Variants in NR5A2 observed in about 807,000 individuals in gnomAD.
NR5A2 encodes the protein nuclear receptor subfamily 5 group A member 2.
A neutral mutation model predicts 62.7 loss-of-function variants in NR5A2; 26 were observed. The ratio of observed to expected loss-of-function variants is 0.41; its 90% CI spans 0.30 to 0.58. The LOEUF is 0.58. NR5A2 is among the 20% of genes least tolerant of loss of function. The pLI is 0.22. For missense variants in NR5A2, 541 were observed against 669.1 expected (o/e 0.81, Z 2.11); for synonymous variants, 246 against 241.7 (o/e 1.02, Z -0.16).
At chr1:200,073,775 T>C (rs1663868057) in intron 5 of NR5A2, among the ~76,000 whole-genome samples, 2 of 152,224 alleles carry the variant, frequency 1.3e-5, no homozygotes, top group Middle Eastern at 3.4e-3. Context: ...CAAACATATA[T>C]GGAGCGCCTC....
chr1:200,033,747 C>A (rs1204142281), intron 1 of NR5A2, among the ~76,000 whole-genome samples: 1 of 152,196 alleles, frequency 6.6e-6, no homozygotes, highest in Non-Finnish European at 1.5e-5. Flanking sequence ...GAAAAGCCCA[C>A]GCCCTTCTAA....
At position 200,175,328 on chromosome 1, in the gene NR5A2, T is replaced by C. The variant is rs1245881685; in HGVS notation, c.*1118T>C. 1 of 152,452 alleles carries C rather than the reference T, an allele frequency of 6.6e-6. No homozygotes were observed. The highest frequency in any genetic ancestry group is 6.5e-5 in the Admixed American group (1 of 15,274). The allele number at this position is 152,452 out of a possible 1,614,324, so 9.4% of individuals were successfully genotyped here. A position where few individuals can be genotyped will look rare whatever the true frequency, so the allele number is the denominator to read the frequency against. On this transcript the variant is annotated 3_prime_UTR_variant, in exon 8 of 8. Transcript: ENST00000367362. Reference sequence around the variant, plus strand: ...ACATCCTCAAGAGTTGGGATGGAAATGGTGATTTTTACATGTGTCCTGGAA... The same window carrying C: ...ACATCCTCAAGAGTTGGGATGGAAACGGTGATTTTTACATGTGTCCTGGAA...
intron 2 of NR5A2, chr1:200,042,751 T>G: frequency 5.5e-5 from 45 of 812,944 alleles, no homozygotes; most frequent in Middle Eastern, 6.2e-4. Context: ...ACTTGACCTG[T>G]GTGGATGTGG....
chr1:200,156,588 G>T (rs1036043350), intron 7 of NR5A2, among the ~76,000 whole-genome samples: 1 of 151,990 alleles, frequency 6.6e-6, no homozygotes, highest in South Asian at 2.1e-4. Context: ...TAGTAGAGAG[G>T]GTGTTTCACC....
intron 7 of NR5A2, among the ~76,000 whole-genome samples, chr1:200,166,626 A>C (rs1653915163): frequency 6.6e-6 from 1 of 152,020 alleles, no homozygotes; most frequent in South Asian, 2.1e-4. Flanking sequence ...GGGAAAAAAA[A>C]CTCCAGGACT....
At chr1:200,063,102 C>A (rs1271620551) in intron 5 of NR5A2, among the ~76,000 whole-genome samples, 17 of 151,774 alleles carry the variant, frequency 1.1e-4, no homozygotes. Flanking sequence ...CGGCTCACTG[C>A]AACCCCTGCC....
At chr1:200,133,207 G>C (rs910364751) in intron 7 of NR5A2, among the ~76,000 whole-genome samples, 4 of 152,022 alleles carry the variant, frequency 2.6e-5, no homozygotes, top group African/African-American at 9.7e-5. Context: ...CAGAAACGTG[G>C]GGAATGTACA....
At chr1:200,036,786 G>T (rs938502484) in intron 1 of NR5A2, among the ~76,000 whole-genome samples, 2 of 152,144 alleles carry the variant, frequency 1.3e-5, no homozygotes, top group African/African-American at 2.4e-5. Flanking sequence ...TCTTAGGAAA[G>T]GTCGTTTTCT....
intron 7 of NR5A2, among the ~76,000 whole-genome samples, chr1:200,123,677 G>A (rs1666573694): frequency 6.6e-6 from 1 of 152,098 alleles, no homozygotes. Context: ...GTAGCAGCAT[G>A]GAAAGTGGAC....
chr1:200,109,838 C>T (rs1665857494), intron 5 of NR5A2, among the ~76,000 whole-genome samples: 1 of 152,212 alleles, frequency 6.6e-6, no homozygotes, highest in Admixed American at 6.5e-5. Flanking sequence ...GATCTCTGCT[C>T]ACTGCAATCT....
rs183275951 is a variant in NR5A2, at chr1:200,063,169, G to A, written c.1110+14351G>A. On this transcript the variant is annotated intron_variant, in intron 5 of 7. Transcript: ENST00000367362. ...CTCCTAAGTAGCTGGGATTACAGGC[G>A]CATGCCACCACACCCAGCTAATTTT... is the stretch of plus-strand genomic sequence containing the variant. Among the ~76,000 whole-genome samples, 217 of 151,890 alleles carry A rather than the reference G, an allele frequency of 1.4e-3. 2 individuals are homozygous for A. The highest frequency in any genetic ancestry group is 2.6e-3 in the Non-Finnish European group (179 of 67,958).
chr1:200,079,811 G>T (rs1664207884), intron 5 of NR5A2, among the ~76,000 whole-genome samples: 1 of 152,080 alleles, frequency 6.6e-6, no homozygotes, highest in Admixed American at 6.6e-5. Context: ...GAGGCAAGTG[G>T]GGAATGAAAG....
At chr1:200,121,962 G>T (rs1384243617) in intron 7 of NR5A2, among the ~76,000 whole-genome samples, 1 of 152,146 alleles carries the variant, frequency 6.6e-6, no homozygotes, top group Non-Finnish European at 1.5e-5. Context: ...CACAACTGTT[G>T]CTAATAAAGG....
At chr1:200,137,143 T>TTTTTTTTA (rs1553276753) in intron 7 of NR5A2, among the ~76,000 whole-genome samples, 3 of 78,884 alleles carry the variant, frequency 3.8e-5, no homozygotes, top group Admixed American at 1.5e-4. Context: ...CCAGATTTTA[T>TTTTTTTTA]TTTATTTATT....
chr1:200,027,886 T>TG lies in NR5A2; in HGVS notation c.39_40insG (p.Leu14ValfsTer59). On this transcript the variant is annotated frameshift_variant, in exon 1 of 8. Coordinates refer to ENST00000367362, the MANE Select transcript of NR5A2 (RefSeq NM_205860.3). LOFTEE classifies it high-confidence loss of function. ...CAGATACTGGGGATTTACAAGAGTC[T>TG]TTAAAGCACGGACTTACACCTATTG... The TG allele has an allele frequency of 6.2e-7, 1 of 1,605,288 alleles. No individual in the cohort carries two copies. The highest frequency in any genetic ancestry group is 8.5e-7 in the Non-Finnish European group (1 of 1,175,578).
intron 7 of NR5A2, among the ~76,000 whole-genome samples, chr1:200,156,667 G>A (rs1406014529): frequency 6.6e-6 from 1 of 152,098 alleles, no homozygotes; most frequent in African/African-American, 2.4e-5. Context: ...AAAGTGCTGG[G>A]ATTACAGGTG....
At chr1:200,152,747 A>G (rs1215717625) in intron 7 of NR5A2, among the ~76,000 whole-genome samples, 2 of 152,192 alleles carry the variant, frequency 1.3e-5, no homozygotes, top group African/African-American at 4.8e-5. Flanking sequence ...TATGCACCCA[A>G]AAATTATGTG....
intron 5 of NR5A2, among the ~76,000 whole-genome samples, chr1:200,061,098 C>G: frequency 7.2e-6 from 1 of 138,580 alleles, no homozygotes; most frequent in South Asian, 2.3e-4. Flanking sequence ...TCTAGCCTGG[C>G]CAACAGAGCA....
At position 200,038,613 on chromosome 1, in the gene NR5A2, G is replaced by C; in HGVS notation, c.65-1045G>C. 6 of 879,344 alleles carry C rather than the reference G, an allele frequency of 6.8e-6. No homozygotes were observed. The Middle Eastern group carries it at 1.3e-3, about 190-fold the overall frequency. 54.5% of individuals were successfully genotyped at this position (879,344 alleles called of 1,614,324 possible). On this transcript the variant is annotated intron_variant, in intron 1 of 7. Transcript: ENST00000367362. ...TCTCCTTTCAATGGTTTAAGTGGGT[G>C]TTTAACTCCCTTCATCTCCTCATCC...
Sources: allele counts gnomAD v4.1 joint callset (sites outside exome capture counted in the v4.1 genomes callset), GRCh38; gene constraint gnomAD v4.1.1; transcripts MANE v1.5; gene names NCBI Gene and HGNC (gene_info 2026-07-23, HGNC 2026-07-21).